The following ADAMTS6 variants were observed in gnomAD, a reference collection of about 807,000 sequenced individuals.
ADAMTS6 encodes the protein ADAM metallopeptidase with thrombospondin type 1 motif 6.
In ADAMTS6, 23 loss-of-function variants were observed where a neutral mutation model predicts 144.3. That is an observed-to-expected ratio of 0.16 (90% CI 0.11 to 0.23). The LOEUF (loss-of-function observed/expected upper bound fraction) is 0.23. Among genes scored for constraint, ADAMTS6 ranks in the 10% least tolerant of loss-of-function variants. ADAMTS6 has a pLI of 1.00. For synonymous variants in ADAMTS6, 444 were observed against 457.5 expected (o/e 0.97, Z 0.38); for missense variants, 999 against 1,379.6 (o/e 0.72, Z 4.37).
chr5:65,288,283 CT>C (rs1210430547), intron 11 of ADAMTS6, among the ~76,000 whole-genome samples: 1 of 146,830 alleles, frequency 6.8e-6, no homozygotes, highest in Non-Finnish European at 1.5e-5. Context: ...TTCGGTAGTT[CT>C]TTTTTTTTCT....
rs868493508 is a variant in ADAMTS6 at position 65,280,497 on chromosome 5, A to C, written c.1513-7050T>G. On this transcript the variant is annotated intron_variant, in intron 11 of 24. Coordinates refer to ENST00000381055, the MANE Select transcript of ADAMTS6 (RefSeq NM_197941.4). ...AGACCTTTCTTTAGGCCTTTCTAAG[A>C]GTCTTTAATGCTATAGACTATATCT... Among the ~76,000 whole-genome samples, 45 of 152,278 alleles carry C rather than the reference A, an allele frequency of 3.0e-4. No individual in the cohort carries two copies. The Middle Eastern group carries it at 0.01, about 35-fold the overall frequency.
intron 1 of ADAMTS6, among the ~76,000 whole-genome samples, chr5:65,475,102 A>G (rs1215152889): frequency 3.9e-5 from 6 of 152,172 alleles, no homozygotes; most frequent in Non-Finnish European, 7.4e-5. Context: ...TTCTTACTAT[A>G]TATTTGTTGG....
At chr5:65,330,112 G>A (rs78096530) in intron 8 of ADAMTS6, among the ~76,000 whole-genome samples, 6,835 of 151,886 alleles carry the variant, frequency 0.045, 288 homozygotes, top group African/African-American at 0.11. Flanking sequence ...ATTCAGTGTC[G>A]TTTTTCCTCT....
At chr5:65,264,360 G>A (rs114599737) in intron 12 of ADAMTS6, among the ~76,000 whole-genome samples, 1 of 152,128 alleles carries the variant, frequency 6.6e-6, no homozygotes, top group African/African-American at 2.4e-5. Flanking sequence ...CACTAATCTT[G>A]TTCCTCCTTA....
At chr5:65,242,026 T>C (rs996798016) in intron 15 of ADAMTS6, 78 bp downstream of exon 15, 3 of 970,790 alleles carry the variant, frequency 3.1e-6, no homozygotes, top group African/African-American at 1.6e-5. Flanking sequence ...AATGTATGCA[T>C]GTGTTTGTAT....
chr5:65,278,074 A>G (rs1580273836), intron 11 of ADAMTS6, among the ~76,000 whole-genome samples: 1 of 151,616 alleles, frequency 6.6e-6, no homozygotes, highest in East Asian at 2.0e-4. Context: ...AAGTGAGAAC[A>G]TACAATGTTT....
intron 24 of ADAMTS6, among the ~76,000 whole-genome samples, chr5:65,162,187 CAA>C (rs1752817903): frequency 1.3e-5 from 2 of 152,036 alleles, no homozygotes; most frequent in South Asian, 4.2e-4. Context: ...ACATAAACTG[CAA>C]AGTTTATCTA....
At chr5:65,460,811 G>A (rs1759592626) in intron 3 of ADAMTS6, among the ~76,000 whole-genome samples, 1 of 152,130 alleles carries the variant, frequency 6.6e-6, no homozygotes, top group African/African-American at 2.4e-5. Flanking sequence ...TGAACGAAGA[G>A]AACTCCAAAT....
At chr5:65,237,893 C>A (rs1242971838) in intron 15 of ADAMTS6, among the ~76,000 whole-genome samples, 2 of 152,036 alleles carry the variant, frequency 1.3e-5, no homozygotes, top group East Asian at 1.9e-4. Flanking sequence ...TGGAGACCAG[C>A]CTGGGCAACA....
intron 9 of ADAMTS6, among the ~76,000 whole-genome samples, chr5:65,306,011 G>A (rs1743904830): frequency 6.6e-6 from 1 of 152,166 alleles, no homozygotes; most frequent in Non-Finnish European, 1.5e-5. Flanking sequence ...CTTATTACTT[G>A]CCATAAAAGT....
Position 65,329,485 on chromosome 5 carries a change from T to C in ADAMTS6, c.1118-2A>G. 6.2e-7 allele frequency: 1 copy of C among 1,605,052 alleles called. No individual in the cohort carries two copies. The highest frequency in any genetic ancestry group is 8.5e-7 in the Non-Finnish European group (1 of 1,176,608). On this transcript the variant is annotated splice_acceptor_variant, in intron 8 of 24. Coordinates refer to ENST00000381055, the MANE Select transcript of ADAMTS6 (RefSeq NM_197941.4). LOFTEE classifies it high-confidence loss of function. ...ACATTCCAGCCACAGAGGCCAAGCC[T>C]GAATAAACAGAAAGAGACACAAAGG...
At chr5:65,336,901 T>G (rs962670082) in intron 7 of ADAMTS6, among the ~76,000 whole-genome samples, 1 of 151,918 alleles carries the variant, frequency 6.6e-6, no homozygotes, top group Non-Finnish European at 1.5e-5. Flanking sequence ...TAAAAAAAAA[T>G]TTATATGTGG....
intron 11 of ADAMTS6, among the ~76,000 whole-genome samples, chr5:65,277,271 T>C (rs1007070603): frequency 2.0e-4 from 31 of 152,350 alleles, no homozygotes; most frequent in African/African-American, 7.2e-4. Context: ...AGGCATTATG[T>C]TGGTTTTATA....
chr5:65,161,073 C>G (rs999590017), intron 24 of ADAMTS6, among the ~76,000 whole-genome samples: 3 of 151,500 alleles, frequency 2.0e-5, no homozygotes, highest in African/African-American at 7.3e-5. Context: ...GAGTCTCACT[C>G]TGTCACCCTG....
chr5:65,180,998 A>C (rs1220915596), intron 22 of ADAMTS6, among the ~76,000 whole-genome samples: 1 of 152,230 alleles, frequency 6.6e-6, no homozygotes, highest in Non-Finnish European at 1.5e-5. Flanking sequence ...TAATTTATAT[A>C]GTCCTTACAA....
At chr5:65,226,321 C>G (rs1757721853) in intron 15 of ADAMTS6, 102 bp from the exon 16 acceptor site, 2 of 1,239,488 alleles carry the variant, frequency 1.6e-6, no homozygotes, top group East Asian at 5.2e-5. Flanking sequence ...AGACATCATT[C>G]CCTGCTTATA....
intron 7 of ADAMTS6, among the ~76,000 whole-genome samples, chr5:65,427,293 T>A (rs1220201117): frequency 6.6e-6 from 1 of 152,002 alleles, no homozygotes; most frequent in Non-Finnish European, 1.5e-5. Flanking sequence ...CACTTAATTT[T>A]ATTTTATTAT....
chr5:65,171,793 A>G (rs1053188002), intron 23 of ADAMTS6, among the ~76,000 whole-genome samples: 12 of 152,104 alleles, frequency 7.9e-5, no homozygotes, highest in African/African-American at 2.4e-4. Context: ...TGTGTTCTCA[A>G]ATGAGCGTGT....
intron 7 of ADAMTS6, among the ~76,000 whole-genome samples, chr5:65,372,552 G>C (rs1207476872): frequency 6.6e-6 from 1 of 151,848 alleles, no homozygotes; most frequent in African/African-American, 2.4e-5. Context: ...AACAAGAAGA[G>C]CTAACTATCC....
Sources: gnomAD v4.1 joint callset for allele counts (sites outside exome capture counted in the v4.1 genomes callset) on GRCh38, gnomAD v4.1.1 for gene constraint, MANE v1.5 for transcripts, NCBI Gene and HGNC (gene_info 2026-07-23, HGNC 2026-07-21) for gene names.